The following COL9A3 variants were observed in gnomAD, a reference collection of about 807,000 sequenced individuals.
The protein encoded by COL9A3 is collagen type IX alpha 3 chain.
A neutral mutation model predicts 110.2 loss-of-function variants in COL9A3; 82 were observed. The ratio of observed to expected loss-of-function variants is 0.74; its 90% CI spans 0.62 to 0.89. The LOEUF is 0.89. Ranked by LOEUF, COL9A3 falls within the 40% of genes least tolerant of loss-of-function variation. The pLI is 0.00. For synonymous variants in COL9A3, 494 were observed against 403.8 expected, an observed-to-expected ratio of 1.22 and a Z score of -2.68; for missense variants, 1,066 against 981.3, an observed-to-expected ratio of 1.09 and a Z score of -1.15.
At chr20:62,826,521 G>C (rs1367022667) in intron 14 of COL9A3, among the ~76,000 whole-genome samples, 1 of 152,218 alleles carries the variant, frequency 6.6e-6, no homozygotes, top group Non-Finnish European at 1.5e-5. Context: ...CCGGGCGAGG[G>C]CTGATGAACT....
At chr20:62,821,330 G>A in intron 6 of COL9A3, 114 bp downstream of exon 6, 1 of 1,348,194 alleles carries the variant, frequency 7.4e-7, no homozygotes. Flanking sequence ...CCTCTCATCT[G>A]CAGCCTCTCC....
chr20:62,837,619 C>A (rs1245949369), intron 30 of COL9A3, among the ~76,000 whole-genome samples: 1 of 151,034 alleles, frequency 6.6e-6, no homozygotes, highest in Non-Finnish European at 1.5e-5. Context: ...CCAGCCTGAC[C>A]AACATGGTGA....
chr20:62,838,902 A>G, intron 31 of COL9A3, 141 bp downstream of exon 31: 1 of 780,352 alleles, frequency 1.3e-6, no homozygotes, highest in East Asian at 2.7e-5. Flanking sequence ...AAGATTAGGA[A>G]TTGTCTCAAT....
chr20:62,836,497 A>G lies in COL9A3; in HGVS notation c.1568A>G (p.Gln523Arg). The change falls in exon 29 of 32, where the codon CAG becomes CGG. Residue 523 changes from glutamine (Q) to arginine (R), a missense_variant. Gln to Arg is a conservative substitution (Grantham distance 43). Coordinates refer to ENST00000649368, the MANE Select transcript of COL9A3 (RefSeq NM_001853.4). ...PGVPGKEASE[Q>R]RIRELCGGMI... The stretch of plus-strand genomic sequence containing the variant: ...TTCCAGGGGAAGGAGGCCAGCGAGC[A>G]GCGCATCAGGGAGCTGTGTGGGGGG... 1.2e-6 allele frequency: 2 copies of G among 1,613,560 alleles called. No individual in the cohort carries two copies. Among genetic ancestry groups the G allele is most frequent in the East Asian group, 2.2e-5 (1 of 44,868 alleles).
At chr20:62,825,997 A>G in intron 13 of COL9A3, 127 bp downstream of exon 13, 4 of 1,197,060 alleles carry the variant, frequency 3.3e-6, no homozygotes, top group Non-Finnish European at 4.8e-6. Context: ...ACCCAGGCAC[A>G]GGAGCGCGAC....
intron 5 of COL9A3, among the ~76,000 whole-genome samples, chr20:62,820,819 C>T (rs2063506894): frequency 6.6e-6 from 1 of 152,190 alleles, no homozygotes; most frequent in African/African-American, 2.4e-5. Flanking sequence ...CTGCCCAAGG[C>T]TCTGGGGCTC....
upstream of COL9A3, chr20:62,817,013 GC>G (rs1990945918): frequency 9.3e-7 from 1 of 1,071,492 alleles, no homozygotes. Flanking sequence ...CTCCCGCCCC[GC>G]CCGCCCGCGC....
intron 14 of COL9A3, 108 bp downstream of exon 14, chr20:62,826,365 C>T (rs1231397261): frequency 1.1e-5 from 12 of 1,069,294 alleles, no homozygotes; most frequent in African/African-American, 4.7e-5. Context: ...AAGCAGCCGG[C>T]ACCCTGGCTC....
At chr20:62,830,806 C>A (rs1440504033) in intron 24 of COL9A3, among the ~76,000 whole-genome samples, 1 of 104,246 alleles carries the variant, frequency 9.6e-6, no homozygotes, top group Non-Finnish European at 1.9e-5. Flanking sequence ...CACCACAGTC[C>A]CCTGGGACGC....
intron 25 of COL9A3, among the ~76,000 whole-genome samples, chr20:62,832,502 C>G (rs913193624): frequency 1.3e-5 from 2 of 152,270 alleles, no homozygotes; most frequent in Non-Finnish European, 2.9e-5. Context: ...CAGGAGGCAC[C>G]AATGGGAACT....
chr20:62,822,058 C>T, intron 8 of COL9A3, 53 bp from the exon 9 acceptor site: 1 of 1,088,102 alleles, frequency 9.2e-7, no homozygotes, highest in South Asian at 1.2e-5. Flanking sequence ...AGCCGGGCAC[C>T]TCACTCAGGT....
rs200155296 is a variant in COL9A3 at position 62,817,560 on chromosome 20, G to A, written c.79-7G>A. The A allele has an allele frequency of 2.9e-4, 454 of 1,540,978 alleles. 2 individuals are homozygous for A. The African/African-American group carries it at 5.6e-3, about 19-fold the overall frequency. On this transcript the variant is annotated splice_polypyrimidine_tract_variant and splice_region_variant and intron_variant, in intron 1 of 31. Coordinates refer to ENST00000649368, the MANE Select transcript of COL9A3 (RefSeq NM_001853.4). ...CTGCGCTCCTTAATGAGTTTTCTCC[G>A]TTTCAGAGAGTGGGACTCCCCGGCC...
chr20:62,828,612 G>T, intron 17 of COL9A3, 152 bp from the exon 18 acceptor site: 1 of 902,694 alleles, frequency 1.1e-6, no homozygotes, highest in Non-Finnish European at 1.8e-6. Flanking sequence ...GTTGCCACAC[G>T]GCCACCTTGG....
intron 12 of COL9A3, 95 bp from the exon 13 acceptor site, chr20:62,825,722 C>A: frequency 2.3e-6 from 3 of 1,297,734 alleles, no homozygotes; most frequent in Non-Finnish European, 3.3e-6. Context: ...GGCAACACCC[C>A]CAGCTGCTTG....
chr20:62,840,597 G>A lies in COL9A3; in HGVS notation c.1920G>A (p.Glu640=). The change falls in exon 32 of 32, where the codon GAG becomes GAA. Residue 640 remains glutamate (E), a synonymous_variant. Transcript: ENST00000649368. ...ACGGCCAGGACGGTGCTCCCGGCGA[G>A]CCTGGGCCTCCCGGAGATCCTGGGC... ...SKDGQDGAPG[E]PGPPGDPGLP... is the part of the protein sequence containing the mutation. 3.7e-6 allele frequency: 6 copies of A among 1,613,150 alleles called. No individual in the cohort carries two copies. The highest frequency in any genetic ancestry group is 2.2e-5 in the East Asian group (1 of 44,866).
chr20:62,827,905 C>T lies in COL9A3; in HGVS notation c.847-18C>T, dbSNP rs112895957. On this transcript the variant is annotated intron_variant, in intron 16 of 31. Coordinates refer to ENST00000649368, the MANE Select transcript of COL9A3 (RefSeq NM_001853.4). The stretch of plus-strand genomic sequence containing the variant: ...GGGAAGAGACTGCCACTGCTTCTGT[C>T]ACTTGTGTGTCCTCTAGGGCAGACC... 6.2e-7 allele frequency: 1 copy of T among 1,612,790 alleles called. No homozygotes were observed. The highest frequency in any genetic ancestry group is 1.1e-5 in the South Asian group (1 of 91,084).
chr20:62,832,047 G>A lies in COL9A3; in HGVS notation c.1288-107G>A, dbSNP rs1600805396. The A allele has an allele frequency of 7.1e-6, 8 of 1,125,588 alleles. No individual in the cohort carries two copies. The East Asian group carries it at 9.4e-5, about 13-fold the overall frequency. The allele number at this position is 1,125,588 out of a possible 1,614,324, so 69.7% of individuals were successfully genotyped here. On this transcript the variant is annotated intron_variant, in intron 24 of 31. Transcript: ENST00000649368. ...GGTGTTCACAGAAGCCCTTTGTGCA[G>A]CACAGATGGAGATGTGGGGAGGTGT...
rs770422736 is a variant in COL9A3, at chr20:62,817,646, G to A, written c.147+11G>A. 7.4e-5 allele frequency: 113 copies of A among 1,527,604 alleles called. No individual in the cohort carries two copies. In the Middle Eastern group the frequency reaches 2.5e-3, roughly 34 times the overall value. The allele number at this position is 1,527,604 out of a possible 1,614,324, so 94.6% of individuals were successfully genotyped here. A position where few individuals can be genotyped will look rare whatever the true frequency, so the allele number is the denominator to read the frequency against. ...CAGGACGGCATTGACGTGAGTTTGG[G>A]GGTGGGGAGGGCCCCGAGCGCTCTG... On this transcript the variant is annotated intron_variant, in intron 2 of 31. Transcript: ENST00000649368.
intron 8 of COL9A3, 69 bp from the exon 9 acceptor site, chr20:62,822,042 G>A (rs1008751910): frequency 1.0e-5 from 10 of 982,380 alleles, no homozygotes; most frequent in Non-Finnish European, 1.7e-5. Context: ...CCACCTCCCT[G>A]GGAGAAGCCG....
Sources: allele counts gnomAD v4.1 joint callset (sites outside exome capture counted in the v4.1 genomes callset), GRCh38; gene constraint gnomAD v4.1.1; transcripts MANE v1.5; gene names NCBI Gene and HGNC (gene_info 2026-07-23, HGNC 2026-07-21).